The following CDH26 variants were observed in gnomAD, a reference collection of about 807,000 sequenced individuals.
The protein encoded by CDH26 is cadherin-like protein 26.
A neutral mutation model predicts 90.3 loss-of-function variants in CDH26; 83 were observed. That is an observed-to-expected ratio of 0.92 (90% CI 0.77 to 1.10). CDH26 has a LOEUF of 1.10. CDH26 is among the 50% of genes least tolerant of loss of function. The probability of loss-of-function intolerance (pLI) is 0.00; values close to 1 mark genes in which losing one functional copy is unlikely to be tolerated. For synonymous variants in CDH26, 397 were observed against 396.3 expected, an observed-to-expected ratio of 1.00 and a Z score of -0.02; for missense variants, 1,013 against 1,037.6, an observed-to-expected ratio of 0.98 and a Z score of 0.33.
Position 59,971,735 on chromosome 20 carries a change from A to G in CDH26, c.232-227A>G, listed in dbSNP as rs375458239. On this transcript the variant is annotated intron_variant, in intron 3 of 17. Transcript: ENST00000348616. The stretch of plus-strand genomic sequence containing the variant: ...TTATATTATTTTTTTCATGTTGATG[A>G]ACATTTATGCTATTTCCAAATTTTC... 2.0e-4 allele frequency among the ~76,000 whole-genome samples: 30 copies of G among 152,328 alleles called. No homozygotes were observed. The South Asian group carries it at 5.2e-3, about 26-fold the overall frequency.
chr20:60,016,048 A>G (rs972240321), downstream of CDH26, among the ~76,000 whole-genome samples: 1 of 152,140 alleles, frequency 6.6e-6, no homozygotes, highest in Non-Finnish European at 1.5e-5. Flanking sequence ...TTGAAGTCTG[A>G]TAGTGTGATC....
rs559969476 is a variant in CDH26, at chr20:59,979,601, C to CTTTTTT, written c.394-3284_394-3279dup. Among the ~76,000 whole-genome samples, 22 of 47,496 alleles carry CTTTTTT rather than the reference C, an allele frequency of 4.6e-4. 2 individuals are homozygous for CTTTTTT. Among genetic ancestry groups the CTTTTTT allele is most frequent in the East Asian group, 2.0e-3 (3 of 1,520 alleles). 31.2% of individuals were successfully genotyped at this position (47,496 alleles called of 152,430 possible). On this transcript the variant is annotated intron_variant, in intron 4 of 17. Transcript: ENST00000348616. ...TGTGGTGAGATAAAGCTGCTATGCACTTTTTTTTTTTTTTTTTTTTTTTTT... is the reference window on the plus strand; with the variant it reads ...TGTGGTGAGATAAAGCTGCTATGCACTTTTTTTTTTTTTTTTTTTTTTTTTTTTTTT...
rs924552923 is a variant in CDH26, at chr20:59,958,779, T to C, written c.53T>C (p.Leu18Pro). 1 of 1,613,884 alleles carries C rather than the reference T, an allele frequency of 6.2e-7. No homozygotes were observed. Among genetic ancestry groups the C allele is most frequent in the Admixed American group, 1.7e-5 (1 of 60,010 alleles). Residue 18 changes from leucine to proline, a missense_variant, in exon 1 of 18, where the codon CTG becomes CCG. Physicochemically the swap from Leu to Pro is moderately conservative, Grantham distance 98. Transcript: ENST00000348616. ...HPSLLLLLVLLLWLLQVSIID... is the reference protein window; with the variant it reads ...HPSLLLLLVLPLWLLQVSIID... ...TCGCTGCTGCTGCTTCTAGTGCTGCTGCTGTGGCTGCTGCAGGTAAGCTGA... is the reference window on the plus strand; with the variant it reads ...TCGCTGCTGCTGCTTCTAGTGCTGCCGCTGTGGCTGCTGCAGGTAAGCTGA...
At chr20:60,029,516 G>A (rs2062024647) in intron 7 of CDH26, among the ~76,000 whole-genome samples, 1 of 152,146 alleles carries the variant, frequency 6.6e-6, no homozygotes, top group African/African-American at 2.4e-5. Flanking sequence ...TGTGCAGAAG[G>A]TGCAGGTTTG....
chr20:59,958,807 C>A lies in CDH26; in HGVS notation c.69+12C>A. 1 of 1,612,278 alleles carries A rather than the reference C, an allele frequency of 6.2e-7. No homozygotes were observed. The highest frequency in any genetic ancestry group is 8.5e-7 in the Non-Finnish European group (1 of 1,179,068). Reference sequence around the variant, plus strand: ...TGTGGCTGCTGCAGGTAAGCTGAGCCTGCAGCCTAGTGCTCAGGTGCAGGG... The same window carrying A: ...TGTGGCTGCTGCAGGTAAGCTGAGCATGCAGCCTAGTGCTCAGGTGCAGGG... On this transcript the variant is annotated intron_variant, in intron 1 of 17. Transcript: ENST00000348616.
intron 7 of CDH26, among the ~76,000 whole-genome samples, chr20:60,020,950 G>T (rs1480565251): frequency 6.6e-6 from 1 of 152,176 alleles, no homozygotes; most frequent in Non-Finnish European, 1.5e-5. Flanking sequence ...TCCTGTCTCT[G>T]GGCTGATCAG....
At position 59,958,632 on chromosome 20, in the gene CDH26, C is replaced by T. The variant is rs192890470; in HGVS notation, c.-95C>T. The stretch of plus-strand genomic sequence containing the variant: ...CTGAAAACCTTTAGAGAAGAAGCTG[C>T]TGGCTGAGAAGGAGGTGTGTGGCTC... On this transcript the variant is annotated 5_prime_UTR_variant, in exon 1 of 18. Coordinates refer to ENST00000348616, the MANE Select transcript of CDH26 (RefSeq NM_177980.4). 1.6e-5 allele frequency: 19 copies of T among 1,162,036 alleles called. No individual in the cohort carries two copies. The African/African-American group carries it at 2.0e-4, about 12-fold the overall frequency. 72.0% of individuals were successfully genotyped at this position (1,162,036 alleles called of 1,614,324 possible). A position where few individuals can be genotyped will look rare whatever the true frequency, so the allele number is the denominator to read the frequency against.
chr20:59,969,573 T>C (rs1411937130), intron 2 of CDH26, among the ~76,000 whole-genome samples: 1 of 152,246 alleles, frequency 6.6e-6, no homozygotes, highest in African/African-American at 2.4e-5. Flanking sequence ...TCATATATTC[T>C]CTTACCTGAC....
chr20:60,007,795 C>G (rs992923020), intron 17 of CDH26, among the ~76,000 whole-genome samples: 1 of 151,962 alleles, frequency 6.6e-6, no homozygotes, highest in African/African-American at 2.4e-5. Context: ...GGGTTGTGAC[C>G]AGAAAACAAG....
At chr20:60,029,996 T>C (rs903311791) in intron 7 of CDH26, among the ~76,000 whole-genome samples, 1 of 152,166 alleles carries the variant, frequency 6.6e-6, no homozygotes, top group Non-Finnish European at 1.5e-5. Flanking sequence ...AGACAAGAGA[T>C]TCAGTCTTCA....
intron 4 of CDH26, among the ~76,000 whole-genome samples, chr20:59,977,452 C>T (rs118121174): frequency 2.5e-3 from 374 of 152,134 alleles, no homozygotes; most frequent in Non-Finnish European, 4.6e-3. Flanking sequence ...GATTCAGGAG[C>T]AAGCCTGATT....
At chr20:60,031,159 A>G in intron 7 of CDH26, 1 of 1,042,384 alleles carries the variant, frequency 9.6e-7, no homozygotes, top group Non-Finnish European at 1.2e-6. Context: ...GGAATGTAGC[A>G]GTGGGGATGA....
At chr20:60,007,918 C>G (rs1360495506) in intron 17 of CDH26, among the ~76,000 whole-genome samples, 2 of 152,166 alleles carry the variant, frequency 1.3e-5, no homozygotes, top group Non-Finnish European at 2.9e-5. Flanking sequence ...TTGGGTACAT[C>G]CTGAAAGGTC....
intron 5 of CDH26, among the ~76,000 whole-genome samples, chr20:59,983,536 A>G (rs1353737952): frequency 1.3e-5 from 2 of 152,232 alleles, no homozygotes; most frequent in Admixed American, 6.5e-5. Flanking sequence ...AATTCCAAGA[A>G]ATGAAAAGAC....
chr20:59,970,680 G>T (rs1182432274), intron 3 of CDH26, among the ~76,000 whole-genome samples: 1 of 151,606 alleles, frequency 6.6e-6, no homozygotes, highest in Non-Finnish European at 1.5e-5. Flanking sequence ...CATGGTTGCA[G>T]GTGCCTGTAG....
intron 4 of CDH26, among the ~76,000 whole-genome samples, chr20:59,979,789 G>A (rs1234343431): frequency 6.6e-6 from 1 of 151,416 alleles, no homozygotes; most frequent in Admixed American, 6.6e-5. Flanking sequence ...ACCACACCTG[G>A]CTAATTTTTA....
intron 13 of CDH26, among the ~76,000 whole-genome samples, chr20:59,998,735 T>C (rs2061635721): frequency 1.3e-5 from 2 of 152,208 alleles, no homozygotes; most frequent in African/African-American, 4.8e-5. Flanking sequence ...AATCTGACTT[T>C]CATATATAAA....
At chr20:59,969,084 C>T in intron 2 of CDH26, 61 bp downstream of exon 2, 1 of 1,070,604 alleles carries the variant, frequency 9.3e-7, no homozygotes. Flanking sequence ...GACTTAGAGA[C>T]AGAATTGCAG....
At chr20:60,023,960 GGAGAGAGAGAGA>G (rs11086691) in intron 7 of CDH26, among the ~76,000 whole-genome samples, 16,075 of 147,246 alleles carry the variant, frequency 0.11, 921 homozygotes, top group Middle Eastern at 0.13. Flanking sequence ...GCTGACAGAG[GGAGAGAGAGAGA>G]GAGAGAGAGA....
Sources: allele counts gnomAD v4.1 joint callset (sites outside exome capture counted in the v4.1 genomes callset), GRCh38; gene constraint gnomAD v4.1.1; transcripts MANE v1.5; gene names NCBI Gene and HGNC (gene_info 2026-07-23, HGNC 2026-07-21).